The following MCTP1 variants were observed in gnomAD, a reference collection of about 807,000 sequenced individuals.
MCTP1 encodes the protein multiple C2 and transmembrane domain containing 1.
MCTP1 carries 69 observed loss-of-function variants against 120.6 expected under a neutral mutation model. The ratio of observed to expected loss-of-function variants is 0.57; its 90% CI spans 0.47 to 0.70. The LOEUF (loss-of-function observed/expected upper bound fraction) is 0.70. MCTP1 is among the 30% of genes least tolerant of loss of function. The pLI, the probability that MCTP1 is intolerant of heterozygous loss-of-function variation, is 0.00. For missense variants in MCTP1, 1,203 were observed against 1,248.8 expected (o/e 0.96, Z 0.55); for synonymous variants, 529 against 493.1 (o/e 1.07, Z -0.96).
chr5:94,814,357 C>G (rs1381641217), intron 17 of MCTP1, among the ~76,000 whole-genome samples: 2 of 152,148 alleles, frequency 1.3e-5, no homozygotes, highest in East Asian at 3.8e-4. Context: ...CTTGCCAACA[C>G]TTCCAAAATA....
chr5:95,223,860 TGA>T (rs2152621995), intron 1 of MCTP1, among the ~76,000 whole-genome samples: 1 of 152,316 alleles, frequency 6.6e-6, no homozygotes, highest in South Asian at 2.1e-4. Flanking sequence ...AGCTGTGACC[TGA>T]ATTGTCCCTA....
At chr5:94,801,931 C>G (rs74334824) in intron 17 of MCTP1, among the ~76,000 whole-genome samples, 1,658 of 152,314 alleles carry the variant, frequency 0.011, 11 homozygotes, top group Middle Eastern at 0.037. Flanking sequence ...CTTACCATAT[C>G]CAAATCAATA....
At chr5:94,932,932 G>T (rs996125953) in intron 5 of MCTP1, among the ~76,000 whole-genome samples, 9 of 151,932 alleles carry the variant, frequency 5.9e-5, no homozygotes, top group Admixed American at 4.6e-4. Flanking sequence ...ACTATTCATG[G>T]ATTAGAATAA....
At chr5:95,089,169 T>TAC (rs1582223151) in intron 1 of MCTP1, among the ~76,000 whole-genome samples, 1 of 152,216 alleles carries the variant, frequency 6.6e-6, no homozygotes, top group African/African-American at 2.4e-5. Flanking sequence ...TCTTAGGCGA[T>TAC]ACATCTGAGG....
chr5:95,263,635 A>G lies in MCTP1; in HGVS notation c.720+20221T>C, dbSNP rs193300628. 9.2e-5 allele frequency among the ~76,000 whole-genome samples: 14 copies of G among 152,344 alleles called. No homozygotes were observed. In the East Asian group the frequency reaches 2.7e-3, roughly 29 times the overall value. ...TCCAAGAGACACCAGTATAACTTTT[A>G]AAGATACCTGCTGCCTCAAAAGTGG... is the stretch of plus-strand genomic sequence containing the variant. On this transcript the variant is annotated intron_variant, in intron 1 of 22. Transcript: ENST00000515393.
intron 1 of MCTP1, among the ~76,000 whole-genome samples, chr5:95,044,425 G>A (rs1301242575): frequency 2.6e-5 from 4 of 152,134 alleles, no homozygotes; most frequent in Non-Finnish European, 5.9e-5. Flanking sequence ...CCCACGATGT[G>A]ATCTTCAGTC....
intron 1 of MCTP1, among the ~76,000 whole-genome samples, chr5:95,156,259 C>A (rs1045664328): frequency 2.0e-5 from 3 of 152,100 alleles, no homozygotes; most frequent in South Asian, 4.1e-4. Context: ...TGTTAAGTTG[C>A]TAAGTGGTAA....
intron 1 of MCTP1, among the ~76,000 whole-genome samples, chr5:95,173,467 T>A (rs904774339): frequency 6.6e-6 from 1 of 152,078 alleles, no homozygotes; most frequent in Non-Finnish European, 1.5e-5. Context: ...TCCTAATAAC[T>A]CACCTCAAGT....
chr5:95,119,092 C>T (rs1024422992), intron 1 of MCTP1, among the ~76,000 whole-genome samples: 3 of 152,274 alleles, frequency 2.0e-5, no homozygotes, highest in African/African-American at 7.2e-5. Context: ...ACATTCTTTT[C>T]CACAGCACAT....
intron 3 of MCTP1, among the ~76,000 whole-genome samples, chr5:94,949,751 C>T (rs796758847): frequency 5.3e-5 from 8 of 152,068 alleles, no homozygotes; most frequent in African/African-American, 1.9e-4. Context: ...TGTGTTCTAA[C>T]TATGTAGTTC....
At chr5:95,276,185 C>G (rs1262453501) in intron 1 of MCTP1, among the ~76,000 whole-genome samples, 2 of 147,512 alleles carry the variant, frequency 1.4e-5, no homozygotes, top group African/African-American at 5.0e-5. Context: ...ACTTCACACA[C>G]TTGGTATTTA....
intron 3 of MCTP1, among the ~76,000 whole-genome samples, chr5:94,949,296 T>A (rs1819896932): frequency 6.6e-6 from 1 of 152,160 alleles, no homozygotes; most frequent in South Asian, 2.1e-4. Context: ...TTTATCCTAT[T>A]ATCTAAGGTG....
At chr5:94,867,646 A>G (rs2153275695) in intron 17 of MCTP1, 2 of 377,168 alleles carry the variant, frequency 5.3e-6, no homozygotes, top group East Asian at 8.4e-5. Context: ...ATAATGTGAG[A>G]GAAGAAAATC....
intron 1 of MCTP1, among the ~76,000 whole-genome samples, chr5:95,198,817 A>G (rs192959529): frequency 9.8e-5 from 15 of 152,364 alleles, no homozygotes; most frequent in African/African-American, 3.1e-4. Flanking sequence ...AATAAATGAC[A>G]GTCTCAGTAA....
intron 5 of MCTP1, among the ~76,000 whole-genome samples, chr5:94,936,547 A>T (rs556589365): frequency 6.6e-5 from 10 of 152,158 alleles, no homozygotes; most frequent in Middle Eastern, 3.4e-3. Context: ...AAGTCACTGA[A>T]CACTTAGAAG....
chr5:94,974,217 A>G (rs897027692), intron 2 of MCTP1, among the ~76,000 whole-genome samples: 7 of 152,186 alleles, frequency 4.6e-5, no homozygotes, highest in African/African-American at 1.7e-4. Context: ...AATTGAGATA[A>G]CAGTTACTAA....
intron 5 of MCTP1, among the ~76,000 whole-genome samples, chr5:94,938,605 C>T (rs1481032048): frequency 1.3e-5 from 2 of 152,018 alleles, no homozygotes; most frequent in East Asian, 3.9e-4. Flanking sequence ...CTCTTTTTCA[C>T]AACATTTAAA....
chr5:95,037,312 C>T (rs73138068), intron 1 of MCTP1, among the ~76,000 whole-genome samples: 2,116 of 152,150 alleles, frequency 0.014, 54 homozygotes, highest in African/African-American at 0.047. Flanking sequence ...TGGAGTATTT[C>T]GAATGATGTG....
chr5:94,882,420 GTT>G (rs549174897), intron 12 of MCTP1, among the ~76,000 whole-genome samples: 1 of 145,950 alleles, frequency 6.9e-6, no homozygotes, highest in Non-Finnish European at 1.5e-5. Flanking sequence ...TCTGTAGTAA[GTT>G]TTTTTTTTTC....
Sources: allele counts gnomAD v4.1 joint callset (sites outside exome capture counted in the v4.1 genomes callset), GRCh38; gene constraint gnomAD v4.1.1; transcripts MANE v1.5; gene names NCBI Gene and HGNC (gene_info 2026-07-23, HGNC 2026-07-21).